POLN: variants seen among roughly 807,000 people sequenced by gnomAD.
POLN encodes the protein DNA polymerase N.
In POLN, 108 loss-of-function variants were observed where a neutral mutation model predicts 113.5. The ratio of observed to expected loss-of-function variants is 0.95; its 90% CI spans 0.81 to 1.12. The LOEUF is 1.12. Ranked by LOEUF, POLN falls within the 50% of genes most tolerant of loss-of-function variation. The pLI, the probability that POLN is intolerant of heterozygous loss-of-function variation, is 0.00. For missense variants in POLN, 1,097 were observed against 1,077.1 expected, an observed-to-expected ratio of 1.02 and a Z score of -0.26; for synonymous variants, 386 against 391.5, an observed-to-expected ratio of 0.99 and a Z score of 0.17.
At position 2,170,728 on chromosome 4, in the gene POLN, C is replaced by T; in HGVS notation, c.1505G>A (p.Ser502Asn). ...TTTCTGCAACCCCGTTCTGGGGAGA[C>T]TGTTCCTTTGACTCAGCAGGTGCAG... Reference protein sequence around the residue: ...LKLHLLSQRNSLPRTGLQKYP... With the variant: ...LKLHLLSQRNNLPRTGLQKYP... The change falls in exon 13 of 26, where the codon AGT (serine) becomes AAT (asparagine). Residue 502 changes from serine (S) to asparagine (N), a missense_variant. Transcript: ENST00000511885. The T allele has an allele frequency of 6.2e-7, 1 of 1,614,202 alleles. No homozygotes were observed. Among genetic ancestry groups the T allele is most frequent in the Non-Finnish European group, 8.5e-7 (1 of 1,180,030 alleles).
At chr4:2,084,497 G>A (rs1730503654) in intron 21 of POLN, among the ~76,000 whole-genome samples, 1 of 152,208 alleles carries the variant, frequency 6.6e-6, no homozygotes, top group Non-Finnish European at 1.5e-5. Flanking sequence ...GGGAGCAAGC[G>A]GCTTGTGTCT....
intron 19 of POLN, among the ~76,000 whole-genome samples, chr4:2,103,508 G>A (rs1300698962): frequency 6.6e-6 from 1 of 152,124 alleles, no homozygotes; most frequent in Non-Finnish European, 1.5e-5. Flanking sequence ...TGAGGTTGAA[G>A]AGAGATCTAA....
At chr4:2,151,494 T>A (rs371330510) in intron 16 of POLN, among the ~76,000 whole-genome samples, 1 of 152,222 alleles carries the variant, frequency 6.6e-6, no homozygotes, top group Non-Finnish European at 1.5e-5. Context: ...TATCTATCCA[T>A]GTAAGGACGT....
chr4:2,176,301 A>G lies in POLN; in HGVS notation c.1213T>C (p.Tyr405His), dbSNP rs758742530. The G allele has an allele frequency of 2.8e-5, 45 of 1,601,630 alleles. No homozygotes were observed. Among genetic ancestry groups the G allele is most frequent in the Non-Finnish European group, 3.7e-5 (43 of 1,175,734 alleles). The change falls in exon 9 of 26, where the codon TAC becomes CAC. Residue 405 changes from tyrosine (Y) to histidine (H), a missense_variant. Coordinates refer to ENST00000511885, the MANE Select transcript of POLN (RefSeq NM_181808.4). ...QNVRENLKTL[Y>H]RLTMDLCSKL... The stretch of plus-strand genomic sequence containing the variant: ...GAGCAAAGGTCCATTGTAAGTCTGT[A>G]GAGTGTCTTCAGGTTCTCACGTACA...
intron 16 of POLN, among the ~76,000 whole-genome samples, chr4:2,136,430 AGTGGTT>A (rs942751634): frequency 1.2e-4 from 18 of 152,202 alleles, no homozygotes; most frequent in African/African-American, 2.4e-5. Flanking sequence ...GTCTCCCATG[AGTGGTT>A]GCAGGGGAAA....
At chr4:2,192,888 T>G (rs1040698040) in intron 7 of POLN, among the ~76,000 whole-genome samples, 1 of 151,872 alleles carries the variant, frequency 6.6e-6, no homozygotes, top group Non-Finnish European at 1.5e-5. Flanking sequence ...TGTTAATTAC[T>G]CTGGACTGTA....
intron 19 of POLN, among the ~76,000 whole-genome samples, chr4:2,104,758 C>T (rs1731010902): frequency 6.6e-6 from 1 of 152,168 alleles, no homozygotes; most frequent in South Asian, 2.1e-4. Context: ...AACATGACAG[C>T]TGTATCTATG....
At chr4:2,202,494 C>T (rs112576540) in intron 5 of POLN, among the ~76,000 whole-genome samples, 9 of 152,084 alleles carry the variant, frequency 5.9e-5, no homozygotes, top group African/African-American at 2.2e-4. Flanking sequence ...GAGGCCCACA[C>T]GGGCAGATCA....
At chr4:2,217,327 C>G (rs1219239076) in intron 3 of POLN, among the ~76,000 whole-genome samples, 1 of 152,220 alleles carries the variant, frequency 6.6e-6, no homozygotes, top group Non-Finnish European at 1.5e-5. Flanking sequence ...GCCCACCCAC[C>G]ATGAACCAAG....
chr4:2,091,806 C>T (rs565261825), intron 20 of POLN, among the ~76,000 whole-genome samples: 63 of 146,530 alleles, frequency 4.3e-4, no homozygotes, highest in African/African-American at 1.5e-3. Flanking sequence ...TGTGTGCGCG[C>T]GCTACAATTT....
intron 16 of POLN, among the ~76,000 whole-genome samples, chr4:2,149,121 C>G (rs1260511432): frequency 5.9e-5 from 9 of 151,894 alleles, no homozygotes; most frequent in African/African-American, 1.9e-4. Flanking sequence ...TGGTGAAACC[C>G]CATCTCTACA....
At chr4:2,181,785 G>C (rs1733148575) in intron 7 of POLN, among the ~76,000 whole-genome samples, 1 of 152,084 alleles carries the variant, frequency 6.6e-6, no homozygotes, top group African/African-American at 2.4e-5. Flanking sequence ...CAGATCACGA[G>C]GTCAGGAGAT....
At chr4:2,087,120 C>T (rs908550017) in intron 20 of POLN, among the ~76,000 whole-genome samples, 1 of 152,170 alleles carries the variant, frequency 6.6e-6, no homozygotes, top group African/African-American at 2.4e-5. Context: ...CCTGTTCTCC[C>T]AAAGTTTATC....
chr4:2,134,057 T>A (rs1241426238), intron 16 of POLN, among the ~76,000 whole-genome samples: 1 of 152,240 alleles, frequency 6.6e-6, no homozygotes, highest in Non-Finnish European at 1.5e-5. Context: ...ATCTGTTTAC[T>A]GTGTCTACAG....
At chr4:2,094,348 G>T (rs1244803020) in intron 20 of POLN, among the ~76,000 whole-genome samples, 1 of 32,392 alleles carries the variant, frequency 3.1e-5, no homozygotes, top group East Asian at 9.6e-4. Flanking sequence ...GGGGGATAGA[G>T]CAAGGTTCTG....
intron 19 of POLN, among the ~76,000 whole-genome samples, chr4:2,125,546 C>G (rs746103739): frequency 3.3e-5 from 5 of 152,194 alleles, no homozygotes; most frequent in African/African-American, 9.7e-5. Flanking sequence ...GTGGACTCAG[C>G]TGCCACCACC....
rs985283673 is a variant in POLN at position 2,232,686 on chromosome 4, C to T, written c.-12-3443G>A. Reference sequence around the variant, plus strand: ...AAATAGAATTACACATGACATTCCACGAAAACCATCCTAATCATATAATTT... The same window carrying T: ...AAATAGAATTACACATGACATTCCATGAAAACCATCCTAATCATATAATTT... On this transcript the variant is annotated intron_variant, in intron 2 of 25. Transcript: ENST00000511885. Among the ~76,000 whole-genome samples the T allele has an allele frequency of 3.9e-5, 6 of 152,148 alleles. No homozygotes were observed. The South Asian group carries it at 6.2e-4, about 16-fold the overall frequency.
intron 20 of POLN, among the ~76,000 whole-genome samples, chr4:2,088,413 T>C (rs985429080): frequency 4.6e-5 from 7 of 152,144 alleles, no homozygotes; most frequent in African/African-American, 9.7e-5. Flanking sequence ...ATAAAAAACA[T>C]AGAAAGTTGA....
intron 5 of POLN, among the ~76,000 whole-genome samples, chr4:2,203,739 C>G (rs1733774275): frequency 6.6e-6 from 1 of 151,850 alleles, no homozygotes. Context: ...AAACCCAAAC[C>G]CAGCAGAAGA....
Sources: gnomAD v4.1 joint callset for allele counts (sites outside exome capture counted in the v4.1 genomes callset) on GRCh38, gnomAD v4.1.1 for gene constraint, MANE v1.5 for transcripts, NCBI Gene and HGNC (gene_info 2026-07-23, HGNC 2026-07-21) for gene names.